ZNF385D: variants seen among roughly 807,000 people sequenced by gnomAD.
ZNF385D encodes zinc finger protein 659.
In ZNF385D, 15 loss-of-function variants were observed where a neutral mutation model predicts 35.8. That is an observed-to-expected ratio of 0.42 (90% confidence interval 0.28 to 0.64). ZNF385D has a LOEUF of 0.64. Ranked by LOEUF, ZNF385D falls within the 30% of genes least tolerant of loss-of-function variation. ZNF385D has a pLI of 0.23. For synonymous variants in ZNF385D, 212 were observed against 186.8 expected (o/e 1.13, Z -1.10); for missense variants, 474 against 494.6 (o/e 0.96, Z 0.39).
chr3:21,882,145 G>T (rs754594386), intron 3 of ZNF385D, among the ~76,000 whole-genome samples: 12 of 152,008 alleles, frequency 7.9e-5, no homozygotes, highest in South Asian at 2.1e-4. Context: ...AGGACTGACT[G>T]CAATTTTGAA....
intron 3 of ZNF385D, among the ~76,000 whole-genome samples, chr3:21,842,246 C>T (rs957618578): frequency 6.6e-6 from 1 of 151,928 alleles, no homozygotes; most frequent in African/African-American, 2.4e-5. Context: ...GATAGAGCAG[C>T]TACTCTCTGG....
At chr3:21,971,370 T>C (rs1703246684) in intron 3 of ZNF385D, among the ~76,000 whole-genome samples, 1 of 152,054 alleles carries the variant, frequency 6.6e-6, no homozygotes. Flanking sequence ...ACTTGCTTGT[T>C]TTTTGTTTGT....
At chr3:21,832,873 T>C (rs1695087431) in intron 3 of ZNF385D, among the ~76,000 whole-genome samples, 1 of 152,218 alleles carries the variant, frequency 6.6e-6, no homozygotes, top group Non-Finnish European at 1.5e-5. Context: ...AAAAGATCCA[T>C]GCACCAGATA....
intron 5 of ZNF385D, among the ~76,000 whole-genome samples, chr3:21,434,226 T>A (rs1701441564): frequency 6.6e-6 from 1 of 152,132 alleles, no homozygotes; most frequent in South Asian, 2.1e-4. Flanking sequence ...AAATCATGCA[T>A]TCCGTTTGGG....
In ZNF385D at chr3:21,987,881, T is replaced by C. The variant is rs1441827265; in HGVS notation, c.325+180936A>G. ...CTTTGCTCATTTCTTTTTATTCTTT[T>C]TTCTCTAAACTTCCCTTCTCACTTC... On this transcript the variant is annotated intron_variant, in intron 3 of 5. Coordinates refer to the ZNF385D transcript ENST00000494108. Among the ~76,000 whole-genome samples the C allele has an allele frequency of 1.4e-5, 2 of 141,558 alleles. 1 individual carries two copies. Among genetic ancestry groups the C allele is most frequent in the Non-Finnish European group, 3.1e-5 (2 of 64,922 alleles). The allele number at this position is 141,558 out of a possible 152,430, so 92.9% of individuals were successfully genotyped here. A position where few individuals can be genotyped will look rare whatever the true frequency, so the allele number is the denominator to read the frequency against.
chr3:21,736,282 G>GACATCT (rs2069238559), intron 1 of ZNF385D, among the ~76,000 whole-genome samples: 1 of 152,144 alleles, frequency 6.6e-6, no homozygotes, highest in Non-Finnish European at 1.5e-5. Flanking sequence ...TGATAAAGGT[G>GACATCT]ACATCTTCCT....
chr3:21,974,556 G>T (rs535790852), intron 3 of ZNF385D, among the ~76,000 whole-genome samples: 1 of 152,090 alleles, frequency 6.6e-6, no homozygotes, highest in South Asian at 2.1e-4. Context: ...AGCAACCAAA[G>T]CAAAAATGGA....
chr3:21,977,201 G>C (rs1703684580), intron 3 of ZNF385D, among the ~76,000 whole-genome samples: 1 of 151,950 alleles, frequency 6.6e-6, no homozygotes, highest in African/African-American at 2.4e-5. Flanking sequence ...TAGGGGTGTT[G>C]GTAATATTCT....
At chr3:22,337,381 A>G (rs1442227660) in intron 2 of ZNF385D, among the ~76,000 whole-genome samples, 2 of 152,112 alleles carry the variant, frequency 1.3e-5, no homozygotes, top group Non-Finnish European at 2.9e-5. Context: ...TAAAAATACA[A>G]AGTTTAGCTT....
intron 3 of ZNF385D, among the ~76,000 whole-genome samples, chr3:21,965,088 T>C (rs678515): frequency 0.57 from 87,015 of 152,026 alleles, 26,816 homozygotes; most frequent in African/African-American, 0.8. Flanking sequence ...TGAAAAATTT[T>C]AGAGACTGAA....
intron 5 of ZNF385D, among the ~76,000 whole-genome samples, chr3:21,434,523 T>G (rs1341031617): frequency 6.6e-6 from 1 of 152,162 alleles, no homozygotes; most frequent in African/African-American, 2.4e-5. Context: ...AGTTGTTTAG[T>G]GCAGGTAAGA....
chr3:21,537,555 A>G (rs868776740), intron 3 of ZNF385D, among the ~76,000 whole-genome samples: 1 of 152,116 alleles, frequency 6.6e-6, no homozygotes, highest in Non-Finnish European at 1.5e-5. Context: ...CTCATGGGCC[A>G]CAGCTTGCTA....
intron 4 of ZNF385D, among the ~76,000 whole-genome samples, chr3:21,446,372 G>C (rs1030399334): frequency 6.6e-6 from 1 of 151,882 alleles, no homozygotes; most frequent in Non-Finnish European, 1.5e-5. Flanking sequence ...GGGACTTTCA[G>C]TGCTAAAATT....
intron 3 of ZNF385D, among the ~76,000 whole-genome samples, chr3:21,890,814 T>C (rs259528): frequency 0.26 from 39,773 of 151,986 alleles, 5,542 homozygotes; most frequent in South Asian, 0.41. Context: ...TAAATAAGGA[T>C]TGACTTGCAT....
intron 2 of ZNF385D, among the ~76,000 whole-genome samples, chr3:22,279,453 G>A (rs1349627691): frequency 6.7e-6 from 1 of 149,490 alleles, no homozygotes; most frequent in Non-Finnish European, 1.5e-5. Context: ...CCCTTTTAAG[G>A]CTGAATAGTA....
rs141389973 is a variant in ZNF385D at position 22,105,951 on chromosome 3, T to C, written c.325+62866A>G. Among the ~76,000 whole-genome samples the C allele has an allele frequency of 1.8e-3, 279 of 152,348 alleles. 1 individual carries two copies. Among genetic ancestry groups the C allele is most frequent in the Non-Finnish European group, 2.9e-3 (194 of 68,024 alleles). ...ATTTAATAGTACACATCTGTTACTA[T>C]TGTATTTTGAGTAATCATAAATAAC... is the stretch of plus-strand genomic sequence containing the variant. On this transcript the variant is annotated intron_variant, in intron 3 of 5. Coordinates refer to the ZNF385D transcript ENST00000494108.
At chr3:21,889,090 G>T (rs1477133628) in intron 3 of ZNF385D, among the ~76,000 whole-genome samples, 1 of 152,188 alleles carries the variant, frequency 6.6e-6, no homozygotes. Flanking sequence ...ACCTTAATAA[G>T]AACAGTTTAG....
chr3:22,236,805 A>C (rs78810313), intron 2 of ZNF385D, among the ~76,000 whole-genome samples: 2 of 152,206 alleles, frequency 1.3e-5, no homozygotes, highest in Non-Finnish European at 2.9e-5. Flanking sequence ...GAATCATACA[A>C]TAAGTGTCCT....
At chr3:22,049,187 T>G (rs893342980) in intron 3 of ZNF385D, among the ~76,000 whole-genome samples, 3 of 151,800 alleles carry the variant, frequency 2.0e-5, no homozygotes, top group Admixed American at 1.3e-4. Flanking sequence ...ATCCAGCTAC[T>G]CAGAAGGCTG....
Sources: allele counts gnomAD v4.1 joint callset (sites outside exome capture counted in the v4.1 genomes callset), GRCh38; gene constraint gnomAD v4.1.1; transcripts MANE v1.5; gene names NCBI Gene and HGNC (gene_info 2026-07-23, HGNC 2026-07-21).